N4BP1: variants seen among roughly 807,000 people sequenced by gnomAD.
The protein encoded by N4BP1 is NEDD4-binding protein 1.
In N4BP1, 21 loss-of-function variants were observed where a neutral mutation model predicts 70.9. The observed-to-expected ratio is 0.30, with a 90% confidence interval of 0.21 to 0.43. The LOEUF (loss-of-function observed/expected upper bound fraction) is 0.43. Among genes scored for constraint, N4BP1 ranks in the 20% least tolerant of loss-of-function variants. The pLI is 1.00. For missense variants in N4BP1, 936 were observed against 1,069.4 expected, an observed-to-expected ratio of 0.88 and a Z score of 1.74; for synonymous variants, 387 against 394.6, an observed-to-expected ratio of 0.98 and a Z score of 0.23.
intron 1 of N4BP1, among the ~76,000 whole-genome samples, chr16:48,588,065 T>A (rs1270100376): frequency 6.6e-6 from 1 of 151,974 alleles, no homozygotes; most frequent in East Asian, 1.9e-4. Context: ...CTATTTAAAA[T>A]GCAATATAAG....
chr16:48,552,587 A>T (rs1963686182), intron 3 of N4BP1, among the ~76,000 whole-genome samples: 1 of 151,470 alleles, frequency 6.6e-6, no homozygotes, highest in African/African-American at 2.4e-5. Flanking sequence ...AGTCCCAGCT[A>T]CTCGGGAGGC....
At position 48,560,945 on chromosome 16, in the gene N4BP1, T is replaced by C. The variant is rs1355213975; in HGVS notation, c.1698A>G (p.Pro566=). The C allele has an allele frequency of 3.1e-6, 5 of 1,614,016 alleles. No individual in the cohort carries two copies. The highest frequency in any genetic ancestry group is 1.1e-5 in the South Asian group (1 of 91,084). ...TAACCGAAGGTAACAGCTGGGGCAGTGGCATTGGTGGAGAAAGGGTTGAGC... is the reference window on the plus strand; with the variant it reads ...TAACCGAAGGTAACAGCTGGGGCAGCGGCATTGGTGGAGAAAGGGTTGAGC... ...PNCSTLSPPM[P]LPQLLPSVTD... is the part of the protein sequence containing the mutation. The change falls in exon 2 of 7, where the codon CCA becomes CCG. Residue 566 remains proline, a synonymous_variant. Transcript: ENST00000262384.
At chr16:48,601,805 G>C (rs1964505508) in intron 1 of N4BP1, among the ~76,000 whole-genome samples, 1 of 152,134 alleles carries the variant, frequency 6.6e-6, no homozygotes, top group African/African-American at 2.4e-5. Context: ...GGAACTACTG[G>C]ACTCAAGCAA....
chr16:48,588,022 T>G (rs1393238073), intron 1 of N4BP1, among the ~76,000 whole-genome samples: 1 of 151,508 alleles, frequency 6.6e-6, no homozygotes, highest in Admixed American at 6.6e-5. Context: ...TAAGAACAGA[T>G]AAAAACAAAA....
chr16:48,554,369 G>A (rs141163940), intron 2 of N4BP1, among the ~76,000 whole-genome samples: 277 of 152,220 alleles, frequency 1.8e-3, no homozygotes, highest in African/African-American at 6.0e-3. Flanking sequence ...ACAGGTGGGC[G>A]GGCCTGATTT....
chr16:48,608,994 G>C (rs1021283949), intron 1 of N4BP1, among the ~76,000 whole-genome samples: 3 of 150,200 alleles, frequency 2.0e-5, no homozygotes, highest in African/African-American at 4.9e-5. Context: ...ATGGGAGGAT[G>C]ACTTGAGTCC....
chr16:48,572,428 G>C (rs951966765), intron 1 of N4BP1, among the ~76,000 whole-genome samples: 1 of 152,142 alleles, frequency 6.6e-6, no homozygotes, highest in African/African-American at 2.4e-5. Flanking sequence ...GATGATGGGG[G>C]AGGGGGGACA....
intron 1 of N4BP1, among the ~76,000 whole-genome samples, chr16:48,580,710 GT>G (rs1339039602): frequency 1.3e-5 from 2 of 152,018 alleles, no homozygotes; most frequent in Non-Finnish European, 2.9e-5. Flanking sequence ...TCTATCTGTG[GT>G]TTCCGCATCC....
At chr16:48,545,534 C>T (rs535478912) in intron 6 of N4BP1, among the ~76,000 whole-genome samples, 6 of 150,388 alleles carry the variant, frequency 4.0e-5, no homozygotes, top group African/African-American at 1.2e-4. Context: ...GCCAAGATCG[C>T]GCCATTGTAC....
chr16:48,546,044 AT>A (rs1963587574), intron 6 of N4BP1, 102 bp downstream of exon 6: 6 of 688,100 alleles, frequency 8.7e-6, no homozygotes, highest in Non-Finnish European at 1.4e-5. Flanking sequence ...AAAAAAAATA[AT>A]TTTTTTAATG....
At chr16:48,548,739 C>CTGAGG (rs1394243346) in intron 4 of N4BP1, among the ~76,000 whole-genome samples, 1 of 150,560 alleles carries the variant, frequency 6.6e-6, no homozygotes, top group Non-Finnish European at 1.5e-5. Context: ...ACTCAGGAGG[C>CTGAGG]TGAGGTGGAG....
At position 48,562,210 on chromosome 16, in the gene N4BP1, C is replaced by T; in HGVS notation, c.433G>A (p.Glu145Lys). The change falls in exon 2 of 7, where the codon GAG becomes AAG. Residue 145 changes from glutamate to lysine, a missense_variant. Glu to Lys is a moderately conservative substitution (Grantham distance 56). Transcript: ENST00000262384. ...QQFVKLFENK[E>K]NLPSSQKESE... Reference sequence around the variant, plus strand: ...TCTTTCTGACTACTGGGTAGGTTCTCTTTATTTTCAAAGAGCTTTACAAAT... The same window carrying T: ...TCTTTCTGACTACTGGGTAGGTTCTTTTTATTTTCAAAGAGCTTTACAAAT... 1 of 1,613,878 alleles carries T rather than the reference C, an allele frequency of 6.2e-7. No homozygotes were observed. The highest frequency in any genetic ancestry group is 8.5e-7 in the Non-Finnish European group (1 of 1,179,864).
chr16:48,567,827 A>C (rs562235989), intron 1 of N4BP1, among the ~76,000 whole-genome samples: 1 of 152,254 alleles, frequency 6.6e-6, no homozygotes, highest in African/African-American at 2.4e-5. Context: ...CCCCTTCCAG[A>C]GCCAGCTAAT....
intron 1 of N4BP1, among the ~76,000 whole-genome samples, chr16:48,564,357 G>A (rs781095910): frequency 6.6e-6 from 1 of 152,136 alleles, no homozygotes; most frequent in African/African-American, 2.4e-5. Flanking sequence ...GAAGGTGTGA[G>A]GGTTAGCTTG....
rs1349324781 is a variant in N4BP1 at position 48,579,459 on chromosome 16, G to T, written c.199-17015C>A. Among the ~76,000 whole-genome samples the T allele has an allele frequency of 5.9e-5, 9 of 152,160 alleles. No individual in the cohort carries two copies. In the South Asian group the frequency reaches 1.0e-3, roughly 17 times the overall value. On this transcript the variant is annotated intron_variant, in intron 1 of 6. Coordinates refer to ENST00000262384, the MANE Select transcript of N4BP1 (RefSeq NM_153029.4). ...TTAATTCTCTAGGAAATACACCTTTGCCTAACACATTATTCATTATTGGTT... is the reference window on the plus strand; with the variant it reads ...TTAATTCTCTAGGAAATACACCTTTTCCTAACACATTATTCATTATTGGTT...
chr16:48,557,604 T>C (rs1306603012), intron 2 of N4BP1, among the ~76,000 whole-genome samples: 9 of 152,098 alleles, frequency 5.9e-5, no homozygotes, highest in African/African-American at 2.2e-4. Context: ...AACTGGCCAC[T>C]GGAATAGTAA....
Position 48,561,681 on chromosome 16 carries a change from A to G in N4BP1, c.962T>C (p.Ile321Thr), listed in dbSNP as rs759503293. 1.2e-6 allele frequency: 2 copies of G among 1,613,194 alleles called. No homozygotes were observed. Among genetic ancestry groups the G allele is most frequent in the South Asian group, 1.1e-5 (1 of 91,088 alleles). The change falls in exon 2 of 7, where the codon ATA becomes ACA. Residue 321 changes from isoleucine to threonine, a missense_variant. Physicochemically the swap from Ile to Thr is moderately conservative, Grantham distance 89. This residue lies in a region of N4BP1 where 515 missense variants were observed against 491.7 expected (regional missense o/e 1.05). Transcript: ENST00000262384. ...AGCAGAAGAATCAGATAGGTCAGCT[A>G]TTACATTTCCAGCCAATGTCTTAGC... ...HDAKTLAGNV[I>T]ADLSDSSADS...
At chr16:48,591,898 T>TTCC (rs1555499242) in intron 1 of N4BP1, among the ~76,000 whole-genome samples, 3 of 149,064 alleles carry the variant, frequency 2.0e-5, no homozygotes, top group East Asian at 1.9e-4. Context: ...TTTTTTTTTT[T>TTCC]TCCAAGTTTT....
rs374675094 is a variant in N4BP1, at chr16:48,560,717, T to C, written c.1889+37A>G. The C allele has an allele frequency of 2.7e-5, 42 of 1,555,326 alleles. No individual in the cohort carries two copies. The Middle Eastern group carries it at 1.2e-3, about 45-fold the overall frequency. On this transcript the variant is annotated intron_variant, in intron 2 of 6. Transcript: ENST00000262384. ...GATTCTGAGACACCATTTAGAGCCC[T>C]ATTTAAAATAAAATAATCTGCAGAG... is the stretch of plus-strand genomic sequence containing the variant.
Sources: allele counts gnomAD v4.1 joint callset (sites outside exome capture counted in the v4.1 genomes callset), GRCh38; gene constraint gnomAD v4.1.1; regional missense constraint gnomAD v4.1.1; transcripts MANE v1.5; gene names NCBI Gene and HGNC (gene_info 2026-07-23, HGNC 2026-07-21).